SLC9A9: variants seen among roughly 807,000 people sequenced by gnomAD.
The protein encoded by SLC9A9 is sodium/hydrogen exchanger 9.
In SLC9A9, 62 loss-of-function variants were observed where a neutral mutation model predicts 77.8. That is an observed-to-expected ratio of 0.80 (90% CI 0.65 to 0.98). SLC9A9 has a LOEUF of 0.98. SLC9A9 is among the 50% of genes least tolerant of loss of function. The pLI, the probability that SLC9A9 is intolerant of heterozygous loss-of-function variation, is 0.00. For synonymous variants in SLC9A9, 320 were observed against 283.5 expected, an observed-to-expected ratio of 1.13 and a Z score of -1.29; for missense variants, 775 against 774.9, an observed-to-expected ratio of 1.00 and a Z score of 0.00.
intron 9 of SLC9A9, among the ~76,000 whole-genome samples, chr3:143,519,567 G>A (rs73146769): frequency 0.055 from 8,420 of 152,158 alleles, 297 homozygotes; most frequent in East Asian, 0.14. Flanking sequence ...TGAGGAATAA[G>A]GTGACATGAT....
rs1182835277 is a variant in SLC9A9, at chr3:143,266,113, C to T, written c.*589G>A. ...AGCATAAGAAGGATGCCAAGAAGAA[C>T]AATAGGTTCTTCAACTCAGTGTGGG... On this transcript the variant is annotated 3_prime_UTR_variant, in exon 16 of 16. Coordinates refer to ENST00000316549, the MANE Select transcript of SLC9A9 (RefSeq NM_173653.4). The T allele has an allele frequency of 1.4e-6, 1 of 702,284 alleles. No homozygotes were observed. Among genetic ancestry groups the T allele is most frequent in the Non-Finnish European group, 2.6e-6 (1 of 384,792 alleles). The allele number at this position is 702,284 out of a possible 1,614,324, so 43.5% of individuals were successfully genotyped here. A position where few individuals can be genotyped will look rare whatever the true frequency, so the allele number is the denominator to read the frequency against.
intron 12 of SLC9A9, 72 bp from the exon 13 acceptor site, chr3:143,382,186 A>G: frequency 6.7e-7 from 1 of 1,487,190 alleles, no homozygotes; most frequent in Non-Finnish European, 9.4e-7. Context: ...GTGTCAGATG[A>G]CCTAACCCAA....
intron 12 of SLC9A9, among the ~76,000 whole-genome samples, chr3:143,395,395 A>G (rs2108508285): frequency 6.6e-6 from 1 of 152,332 alleles, no homozygotes; most frequent in Admixed American, 6.5e-5. Flanking sequence ...GGCTAGCCAT[A>G]TGTAGAAAAC....
chr3:143,458,198 C>T (rs2035126651), intron 12 of SLC9A9, among the ~76,000 whole-genome samples: 2 of 151,924 alleles, frequency 1.3e-5, no homozygotes, highest in Admixed American at 1.3e-4. Flanking sequence ...CTCTTTAATC[C>T]TTGGAAAATT....
chr3:143,691,193 G>A (rs1027461471), intron 5 of SLC9A9, among the ~76,000 whole-genome samples: 9 of 151,980 alleles, frequency 5.9e-5, no homozygotes, highest in African/African-American at 2.2e-4. Context: ...AGCTATAGCT[G>A]GAACTACCGA....
intron 11 of SLC9A9, among the ~76,000 whole-genome samples, chr3:143,468,927 C>T (rs530594387): frequency 3.3e-5 from 5 of 152,198 alleles, no homozygotes; most frequent in South Asian, 2.1e-4. Context: ...TTCGGGAGGC[C>T]GAGGTGGGCA....
chr3:143,527,078 G>A (rs574478625), intron 9 of SLC9A9, among the ~76,000 whole-genome samples: 1 of 152,304 alleles, frequency 6.6e-6, no homozygotes, highest in East Asian at 1.9e-4. Flanking sequence ...TGCAGTTTTA[G>A]ACATATACGA....
At position 143,781,403 on chromosome 3, in the gene SLC9A9, G is replaced by T. The variant is rs189931466; in HGVS notation, c.533+13598C>A. Among the ~76,000 whole-genome samples, 32 of 152,192 alleles carry T rather than the reference G, an allele frequency of 2.1e-4. No individual in the cohort carries two copies. In the East Asian group the frequency reaches 5.0e-3, roughly 24 times the overall value. Reference sequence around the variant, plus strand: ...TAAATGAACTCAACGCATGTAAAGGGCCCAGTAGTGGCTGGCACAAAGTAA... The same window carrying T: ...TAAATGAACTCAACGCATGTAAAGGTCCCAGTAGTGGCTGGCACAAAGTAA... On this transcript the variant is annotated intron_variant, in intron 4 of 15. Coordinates refer to ENST00000316549, the MANE Select transcript of SLC9A9 (RefSeq NM_173653.4).
chr3:143,428,321 GA>G (rs1204645978), intron 12 of SLC9A9, among the ~76,000 whole-genome samples: 1 of 151,386 alleles, frequency 6.6e-6, no homozygotes, highest in Non-Finnish European at 1.5e-5. Flanking sequence ...ACAGACATAT[GA>G]AAAAATACTG....
At chr3:143,548,298 T>C (rs6440178) in intron 9 of SLC9A9, among the ~76,000 whole-genome samples, 63,058 of 148,858 alleles carry the variant, frequency 0.42, 13,832 homozygotes, top group African/African-American at 0.57. Context: ...TGTCTGGGGG[T>C]GGTGGGGGTG....
chr3:143,317,475 T>A (rs1247417886), intron 14 of SLC9A9, among the ~76,000 whole-genome samples: 4 of 152,158 alleles, frequency 2.6e-5, no homozygotes, highest in Non-Finnish European at 5.9e-5. Flanking sequence ...ATCCTCCTGA[T>A]TCCCACAGCA....
At chr3:143,366,730 A>G (rs2032912635) in intron 13 of SLC9A9, among the ~76,000 whole-genome samples, 2 of 152,180 alleles carry the variant, frequency 1.3e-5, no homozygotes, top group South Asian at 4.1e-4. Context: ...TATTATTCCT[A>G]TTTTACAGAT....
chr3:143,600,792 A>C (rs1308585109), intron 6 of SLC9A9, among the ~76,000 whole-genome samples: 1 of 152,236 alleles, frequency 6.6e-6, no homozygotes, highest in Non-Finnish European at 1.5e-5. Context: ...CATAAGGCTG[A>C]AAACATTTTC....
intron 11 of SLC9A9, among the ~76,000 whole-genome samples, chr3:143,490,219 C>T (rs2035716564): frequency 6.6e-6 from 1 of 152,062 alleles, no homozygotes; most frequent in African/African-American, 2.4e-5. Context: ...TGTCTGTGTA[C>T]CCATGTTTAC....
At chr3:143,695,173 A>G (rs1343280400) in intron 4 of SLC9A9, among the ~76,000 whole-genome samples, 3 of 152,026 alleles carry the variant, frequency 2.0e-5, no homozygotes, top group African/African-American at 7.2e-5. Context: ...CATTCAAAAG[A>G]TACTTCTTTT....
chr3:143,359,225 T>G (rs1156288158), intron 14 of SLC9A9, among the ~76,000 whole-genome samples: 1 of 152,186 alleles, frequency 6.6e-6, no homozygotes, highest in Non-Finnish European at 1.5e-5. Context: ...TCAACAAATA[T>G]TTATTGAGTG....
At chr3:143,704,741 C>T (rs1323301473) in intron 4 of SLC9A9, among the ~76,000 whole-genome samples, 5 of 152,002 alleles carry the variant, frequency 3.3e-5, no homozygotes, top group African/African-American at 9.7e-5. Context: ...GCCTGTAATC[C>T]CAGCACTTTG....
chr3:143,575,329 T>C (rs944665395), intron 7 of SLC9A9, among the ~76,000 whole-genome samples: 4 of 152,336 alleles, frequency 2.6e-5, no homozygotes, highest in African/African-American at 9.6e-5. Flanking sequence ...AAATTCACAG[T>C]ATTCACTTGG....
Position 143,769,378 on chromosome 3 carries a change from C to T in SLC9A9, c.533+25623G>A, listed in dbSNP as rs142596206. Among the ~76,000 whole-genome samples the T allele has an allele frequency of 1.1e-3, 173 of 152,278 alleles. 1 individual carries two copies. The East Asian group carries it at 0.011, about 10-fold the overall frequency. On this transcript the variant is annotated intron_variant, in intron 4 of 15. Coordinates refer to ENST00000316549, the MANE Select transcript of SLC9A9 (RefSeq NM_173653.4). ...TCCCCTTGATGGATTCATGTAATCTCTACCCATGTTAACATTAGCCAAAAC... is the reference window on the plus strand; with the variant it reads ...TCCCCTTGATGGATTCATGTAATCTTTACCCATGTTAACATTAGCCAAAAC...
Sources: gnomAD v4.1 joint callset for allele counts (sites outside exome capture counted in the v4.1 genomes callset) on GRCh38, gnomAD v4.1.1 for gene constraint, MANE v1.5 for transcripts, NCBI Gene and HGNC (gene_info 2026-07-23, HGNC 2026-07-21) for gene names.